RYR1: variants seen among roughly 807,000 people sequenced by gnomAD.
The protein encoded by RYR1 is ryanodine receptor 1, also known as central core disease of muscle.
In RYR1, 342 loss-of-function variants were observed where a neutral mutation model predicts 583.5. The observed-to-expected ratio is 0.59, with a 90% CI of 0.54 to 0.64. The LOEUF (loss-of-function observed/expected upper bound fraction) is 0.64. Among genes scored for constraint, RYR1 ranks in the 30% least tolerant of loss-of-function variants. The pLI is 0.00. For synonymous variants in RYR1, 2,791 were observed against 2,822.5 expected, an observed-to-expected ratio of 0.99 and a Z score of 0.35; for missense variants, 6,032 against 6,917.2, an observed-to-expected ratio of 0.87 and a Z score of 4.54.
At chr19:38,474,645 G>A (rs1158892918) in intron 28 of RYR1, among the ~76,000 whole-genome samples, 4 of 142,420 alleles carry the variant, frequency 2.8e-5, no homozygotes, top group Non-Finnish European at 6.0e-5. Flanking sequence ...CACGATCTTG[G>A]CTCTCTGCAA....
intron 38 of RYR1, 98 bp downstream of exon 38, chr19:38,492,734 A>C: frequency 1.5e-6 from 2 of 1,297,056 alleles, no homozygotes; most frequent in Non-Finnish European, 2.2e-6. Flanking sequence ...GGACAGATGC[A>C]AGGGAGGGGT....
rs1344433926 is a variant in RYR1 at position 38,455,382 on chromosome 19, A to T, written c.1576+12A>T. Reference sequence around the variant, plus strand: ...CTATGAACTCCTAGGTAGGGGTCCCAGTCCTGACTCCCCTGAGAACACCCC... The same window carrying T: ...CTATGAACTCCTAGGTAGGGGTCCCTGTCCTGACTCCCCTGAGAACACCCC... On this transcript the variant is annotated intron_variant, in intron 14 of 105. Transcript: ENST00000359596. 6.2e-7 allele frequency: 1 copy of T among 1,614,088 alleles called. No homozygotes were observed.
In RYR1 at chr19:38,489,261, G is replaced by T; in HGVS notation, c.5632G>T (p.Glu1878Ter). ...PEVFTEEEEE[E>*]DEEEEGEEED... ...GGTCTTCACTGAGGAAGAAGAGGAGGAGGACGAGGAGGAAGAGGGTGAAGA... is the reference window on the plus strand; with the variant it reads ...GGTCTTCACTGAGGAAGAAGAGGAGTAGGACGAGGAGGAAGAGGGTGAAGA... The change falls in exon 35 of 106, where the codon GAG becomes TAG. Residue 1878 changes from glutamate to a stop codon, truncating the protein, a stop_gained. Coordinates refer to ENST00000359596, the MANE Select transcript of RYR1 (RefSeq NM_000540.3). LOFTEE classifies it high-confidence loss of function. 6.2e-7 allele frequency: 1 copy of T among 1,611,864 alleles called. No individual in the cohort carries two copies. Among genetic ancestry groups the T allele is most frequent in the Non-Finnish European group, 8.5e-7 (1 of 1,178,068 alleles).
chr19:38,507,731 C>T lies in RYR1; in HGVS notation c.8836C>T (p.Leu2946=). ...ATGCAGAGGCCTTAAGGACATGGAA[C>T]TGGACTCGTCTTCCATTGAAAAGCG... ...AVTRGLKDME[L]DSSSIEKRFA... Residue 2946 remains leucine (L), a synonymous_variant, in exon 58 of 106, where the codon CTG becomes TTG. Transcript: ENST00000359596. 6.2e-7 allele frequency: 1 copy of T among 1,612,290 alleles called. No homozygotes were observed. The highest frequency in any genetic ancestry group is 8.5e-7 in the Non-Finnish European group (1 of 1,178,324).
At chr19:38,454,566 A>G (rs1191736391) in intron 13 of RYR1, among the ~76,000 whole-genome samples, 1 of 152,220 alleles carries the variant, frequency 6.6e-6, no homozygotes, top group Non-Finnish European at 1.5e-5. Flanking sequence ...GAAACATAAA[A>G]AACAAGGTTA....
chr19:38,525,425 A>T lies in RYR1; in HGVS notation c.10549A>T (p.Met3517Leu). ...ACTGATCGTGGCCACACTGAAGAAG[A>T]TGCTGCCCATCGGCCTGAATATGTG... Reference protein sequence around the residue: ...TSLIVATLKKMLPIGLNMCAP... With the variant: ...TSLIVATLKKLLPIGLNMCAP... The change falls in exon 71 of 106, where the codon ATG becomes TTG. Residue 3517 changes from methionine (M) to leucine (L), a missense_variant. Around this residue, in one of 11 missense-constraint regions of RYR1, gnomAD observed 1,493 missense variants for 1,715.5 expected, o/e 0.87. Coordinates refer to ENST00000359596, the MANE Select transcript of RYR1 (RefSeq NM_000540.3). The T allele has an allele frequency of 1.4e-5, 22 of 1,613,928 alleles. No homozygotes were observed. Among genetic ancestry groups the T allele is most frequent in the Non-Finnish European group, 1.9e-5 (22 of 1,179,942 alleles).
intron 57 of RYR1, 21 bp downstream of exon 57, chr19:38,506,973 G>C: frequency 6.2e-7 from 1 of 1,612,126 alleles, no homozygotes; most frequent in Non-Finnish European, 8.5e-7. Flanking sequence ...TGGGGCTCCC[G>C]CGGAAGAGCA....
intron 69 of RYR1, 152 bp from the exon 70 acceptor site, chr19:38,523,763 C>A (rs898747103): frequency 8.3e-6 from 8 of 959,084 alleles, no homozygotes; most frequent in South Asian, 2.8e-5. Flanking sequence ...AACGACCCCC[C>A]ACCCCGAGCC....
At chr19:38,529,146 C>T (rs1030187645) in intron 76 of RYR1, 89 bp downstream of exon 76, 43 of 1,305,410 alleles carry the variant, frequency 3.3e-5, no homozygotes, top group Non-Finnish European at 1.5e-5. Context: ...CAGGAGAGGC[C>T]CTCCAGGTCC....
At position 38,565,356 on chromosome 19, in the gene RYR1, C is replaced by A; in HGVS notation, c.13022C>A (p.Thr4341Lys). ...GCGGCGCTGCTCTGGGCAGCAGTGA[C>A]GCGCGCTGGGGCCGCTGGCGCGGGG... is the stretch of plus-strand genomic sequence containing the variant. ...AVAALLWAAV[T>K]RAGAAGAGAA... Residue 4341 changes from threonine to lysine, a missense_variant, in exon 91 of 106, where the codon ACG becomes AAG. Thr to Lys is a moderately conservative substitution (Grantham distance 78). Transcript: ENST00000359596. The surrounding 1 kb of genome is among the most constrained non-coding windows in gnomAD (Gnocchi z 4.7). 1 of 1,303,706 alleles carries A rather than the reference C, an allele frequency of 7.7e-7. No individual in the cohort carries two copies. Among genetic ancestry groups the A allele is most frequent in the Non-Finnish European group, 9.7e-7 (1 of 1,035,924 alleles). The allele number at this position is 1,303,706 out of a possible 1,614,324, so 80.8% of individuals were successfully genotyped here.
intron 22 of RYR1, among the ~76,000 whole-genome samples, chr19:38,464,057 A>G (rs1967946081): frequency 6.6e-6 from 1 of 152,066 alleles, no homozygotes; most frequent in Admixed American, 6.5e-5. Flanking sequence ...CGGGTGGATC[A>G]CTTGAGGTCA....
intron 95 of RYR1, among the ~76,000 whole-genome samples, chr19:38,572,645 C>T (rs1262543492): frequency 6.6e-6 from 1 of 152,046 alleles, no homozygotes; most frequent in African/African-American, 2.4e-5. Context: ...TTTTATTCAT[C>T]CTTCAGTTCT....
Position 38,527,015 on chromosome 19 carries a change from G to A in RYR1, c.10649G>A (p.Arg3550Gln), listed in dbSNP as rs548673909. The A allele has an allele frequency of 8.1e-6, 13 of 1,613,900 alleles. No individual in the cohort carries two copies. Among genetic ancestry groups the A allele is most frequent in the African/African-American group, 5.3e-5 (4 of 75,018 alleles). ...CAGAAAGACACAGATGAGGAGGTCC[G>A]GGAATTTCTGCACAACAACCTTCAC... ...YALKDTDEEVREFLHNNLHLQ... is the reference protein window; with the variant it reads ...YALKDTDEEVQEFLHNNLHLQ... The change falls in exon 72 of 106, where the codon CGG becomes CAG. Residue 3550 changes from arginine to glutamine, a missense_variant. Transcript: ENST00000359596.
At chr19:38,437,207 C>G (rs1008611134) in intron 1 of RYR1, among the ~76,000 whole-genome samples, 1 of 151,886 alleles carries the variant, frequency 6.6e-6, no homozygotes, top group Non-Finnish European at 1.5e-5. Context: ...TGCACCACTA[C>G]GCCCGGCTAA....
intron 11 of RYR1, 152 bp from the exon 12 acceptor site, chr19:38,451,612 A>G (rs573720644): frequency 3.4e-6 from 3 of 878,444 alleles, no homozygotes; most frequent in Non-Finnish European, 5.6e-6. Context: ...GAGACAGATG[A>G]CGGGGGACAG....
intron 1 of RYR1, among the ~76,000 whole-genome samples, chr19:38,435,387 C>A (rs957099093): frequency 2.6e-5 from 4 of 152,194 alleles, no homozygotes; most frequent in Non-Finnish European, 5.9e-5. Context: ...CTCTCCACCC[C>A]AGACTGGGTC....
At chr19:38,453,559 T>C (rs185754633) in intron 13 of RYR1, among the ~76,000 whole-genome samples, 2 of 150,832 alleles carry the variant, frequency 1.3e-5, no homozygotes, top group East Asian at 3.9e-4. Flanking sequence ...CCTTATGGAG[T>C]TGACATGGCG....
chr19:38,580,548 C>T (rs1240872969), intron 101 of RYR1, 44 bp downstream of exon 101: 1 of 1,611,116 alleles, frequency 6.2e-7, no homozygotes. Flanking sequence ...CTTCTCGCAT[C>T]TGTTGAAGGA....
In RYR1 at chr19:38,535,194, A is replaced by C. The variant is rs1238936093; in HGVS notation, c.11413A>C (p.Asn3805His). Reference protein sequence around the residue: ...STLKLGISILNGGNAEVQQKM... With the variant: ...STLKLGISILHGGNAEVQQKM... ...CCTGAAGCTGGGCATCTCCATCCTC[A>C]ATGGAGGCAATGCTGAGGTCCAGCA... The change falls in exon 80 of 106, where the codon AAT becomes CAT. Residue 3805 changes from asparagine (N) to histidine (H), a missense_variant. By Grantham distance (68) the Asn-to-His change is moderately conservative. Coordinates refer to ENST00000359596, the MANE Select transcript of RYR1 (RefSeq NM_000540.3). 6.2e-7 allele frequency: 1 copy of C among 1,613,994 alleles called. No homozygotes were observed. The highest frequency in any genetic ancestry group is 8.5e-7 in the Non-Finnish European group (1 of 1,179,988).
Sources: allele counts gnomAD v4.1 joint callset (sites outside exome capture counted in the v4.1 genomes callset), GRCh38; gene constraint gnomAD v4.1.1; regional missense constraint gnomAD v4.1.1; non-coding constraint Gnocchi (gnomAD v3.1); transcripts MANE v1.5; gene names NCBI Gene and HGNC (gene_info 2026-07-23, HGNC 2026-07-21).